The following STPG2 variants were observed in gnomAD, a reference collection of about 807,000 sequenced individuals.
STPG2 encodes the protein sperm-tail PG-rich repeat-containing protein 2.
A neutral mutation model predicts 54.2 loss-of-function variants in STPG2; 56 were observed. The observed-to-expected ratio is 1.03, with a 90% CI of 0.83 to 1.29. The LOEUF (loss-of-function observed/expected upper bound fraction) is 1.29. Ranked by LOEUF, STPG2 falls within the 50% of genes most tolerant of loss-of-function variation. The pLI is 0.00. For missense variants in STPG2, 596 were observed against 544.9 expected, an observed-to-expected ratio of 1.09 and a Z score of -0.93; for synonymous variants, 200 against 181.8, an observed-to-expected ratio of 1.10 and a Z score of -0.81.
chr4:97,720,027 T>C (rs141374583), intron 9 of STPG2, among the ~76,000 whole-genome samples: 1 of 152,090 alleles, frequency 6.6e-6, no homozygotes, highest in African/African-American at 2.4e-5. Flanking sequence ...GTATGAATTC[T>C]GTTATGTGGA....
intron 4 of STPG2, among the ~76,000 whole-genome samples, chr4:97,549,488 C>T (rs551978661): frequency 3.9e-5 from 6 of 152,198 alleles, no homozygotes; most frequent in African/African-American, 1.4e-4. Context: ...CCTGAGATGT[C>T]TCTAATTAGT....
intron 10 of STPG2, among the ~76,000 whole-genome samples, chr4:97,566,575 C>G (rs2148879949): frequency 6.6e-6 from 1 of 152,298 alleles, no homozygotes; most frequent in Non-Finnish European, 1.5e-5. Flanking sequence ...ATTTGGCCAT[C>G]TTGGCTTGTA....
intron 8 of STPG2, among the ~76,000 whole-genome samples, chr4:97,851,382 G>T (rs1185607311): frequency 6.6e-6 from 1 of 152,074 alleles, no homozygotes; most frequent in Non-Finnish European, 1.5e-5. Context: ...TTTTTGTTTA[G>T]CCTTGTTGTT....
intron 4 of STPG2, among the ~76,000 whole-genome samples, chr4:97,516,729 A>G (rs11097563): frequency 0.51 from 77,035 of 150,706 alleles, 20,087 homozygotes; most frequent in South Asian, 0.65. Context: ...TCCGGAGGCT[A>G]AGGCAGGAGA....
At chr4:97,457,958 T>C (rs1729569882) in intron 4 of STPG2, among the ~76,000 whole-genome samples, 1 of 152,164 alleles carries the variant, frequency 6.6e-6, no homozygotes, top group Admixed American at 6.5e-5. Context: ...AAAAATAAAG[T>C]GATATGGATG....
At chr4:97,563,589 T>C (rs979415827) in intron 10 of STPG2, among the ~76,000 whole-genome samples, 2 of 152,244 alleles carry the variant, frequency 1.3e-5, no homozygotes, top group Non-Finnish European at 2.9e-5. Flanking sequence ...GCTATAAATT[T>C]CCCTCTACAC....
chr4:98,003,417 G>GA (rs1287326772), intron 5 of STPG2, among the ~76,000 whole-genome samples: 1 of 151,020 alleles, frequency 6.6e-6, no homozygotes, highest in Non-Finnish European at 1.5e-5. Context: ...CTCCAAAGAC[G>GA]AAAAAAACAC....
At chr4:97,773,582 G>T (rs1336200475) in intron 9 of STPG2, among the ~76,000 whole-genome samples, 1 of 151,982 alleles carries the variant, frequency 6.6e-6, no homozygotes, top group Non-Finnish European at 1.5e-5. Flanking sequence ...AAAGTGTTGA[G>T]ATTACAGGCA....
downstream of STPG2, among the ~76,000 whole-genome samples, chr4:97,558,539 C>T (rs193219960): frequency 6.4e-4 from 97 of 152,286 alleles, no homozygotes; most frequent in Admixed American, 1.2e-3. Context: ...TTGTATGCTA[C>T]GCTATAGAGA....
At chr4:98,006,165 CA>C (rs1735569225) in intron 5 of STPG2, among the ~76,000 whole-genome samples, 4 of 152,146 alleles carry the variant, frequency 2.6e-5, no homozygotes, top group Admixed American at 6.5e-5. Flanking sequence ...GGAATTCAAC[CA>C]AAAAGTAAAG....
chr4:97,676,386 A>T (rs1302673765), intron 10 of STPG2, among the ~76,000 whole-genome samples: 1 of 152,044 alleles, frequency 6.6e-6, no homozygotes, highest in South Asian at 2.1e-4. Context: ...AGTTCCCTAC[A>T]TCAATTTTTC....
chr4:98,111,036 G>A (rs1178930963), intron 3 of STPG2, among the ~76,000 whole-genome samples: 1 of 152,002 alleles, frequency 6.6e-6, no homozygotes, highest in Non-Finnish European at 1.5e-5. Context: ...GAAACTTTAA[G>A]GACTTTCTGG....
chr4:97,580,976 T>G (rs1732849884), intron 10 of STPG2, among the ~76,000 whole-genome samples: 1 of 152,122 alleles, frequency 6.6e-6, no homozygotes, highest in Admixed American at 6.6e-5. Context: ...AATACAATTA[T>G]AAATTTTGAT....
intron 5 of STPG2, among the ~76,000 whole-genome samples, chr4:98,050,092 T>C (rs1169452585): frequency 6.6e-6 from 1 of 152,140 alleles, no homozygotes; most frequent in African/African-American, 2.4e-5. Flanking sequence ...ATCAACCAAT[T>C]ACAATGTATG....
At chr4:97,553,165 A>G (rs945301626) in intron 4 of STPG2, among the ~76,000 whole-genome samples, 16 of 152,222 alleles carry the variant, frequency 1.1e-4, no homozygotes, top group African/African-American at 3.6e-4. Flanking sequence ...GAATGTTAAT[A>G]GCAAGGATCT....
At chr4:97,562,237 CTGTT>C (rs1327339754) in intron 10 of STPG2, among the ~76,000 whole-genome samples, 6 of 152,070 alleles carry the variant, frequency 3.9e-5, no homozygotes, top group Non-Finnish European at 8.8e-5. Flanking sequence ...ATTTGGCTCT[CTGTT>C]TGTCTGTTAT....
At chr4:97,988,160 C>T (rs544304793) in intron 5 of STPG2, among the ~76,000 whole-genome samples, 1 of 152,026 alleles carries the variant, frequency 6.6e-6, no homozygotes, top group Non-Finnish European at 1.5e-5. Context: ...ATCTGCTTCA[C>T]GACCTTGGCA....
At chr4:97,931,942 G>A (rs1732563424) in intron 8 of STPG2, among the ~76,000 whole-genome samples, 3 of 151,974 alleles carry the variant, frequency 2.0e-5, no homozygotes, top group Admixed American at 2.0e-4. Context: ...GTCTGTGCAG[G>A]GAATCAATTT....
At chr4:97,850,781 AG>A (rs1172658360) in intron 8 of STPG2, among the ~76,000 whole-genome samples, 3 of 152,270 alleles carry the variant, frequency 2.0e-5, no homozygotes, top group Middle Eastern at 3.4e-3. Flanking sequence ...TCAAGCTGCA[AG>A]GGAACCCCAA....
Sources: allele counts gnomAD v4.1 joint callset (sites outside exome capture counted in the v4.1 genomes callset), GRCh38; gene constraint gnomAD v4.1.1; transcripts MANE v1.5; gene names NCBI Gene and HGNC (gene_info 2026-07-23, HGNC 2026-07-21).